GRM1: variants seen among roughly 807,000 people sequenced by gnomAD.
The protein encoded by GRM1 is glutamate metabotropic receptor 1, also known as metabotropic glutamate receptor 1.
In GRM1, 33 loss-of-function variants were observed where a neutral mutation model predicts 90.9. That is an observed-to-expected ratio of 0.36 (90% CI 0.28 to 0.49). GRM1 has a LOEUF of 0.49. Ranked by LOEUF, GRM1 falls within the 20% of genes least tolerant of loss-of-function variation. GRM1 has a pLI of 0.99. For synonymous variants in GRM1, 700 were observed against 613.2 expected (o/e 1.14, Z -2.09); for missense variants, 1,190 against 1,534.3 (o/e 0.78, Z 3.75).
chr6:146,402,181 A>G (rs975276928), intron 7 of GRM1, among the ~76,000 whole-genome samples: 6 of 152,186 alleles, frequency 3.9e-5, no homozygotes, highest in Non-Finnish European at 8.8e-5. Flanking sequence ...ATTTAATAAG[A>G]AATATATTTC....
intron 2 of GRM1, among the ~76,000 whole-genome samples, chr6:146,223,181 C>T (rs1423128599): frequency 2.0e-5 from 3 of 151,894 alleles, no homozygotes; most frequent in African/African-American, 7.3e-5. Flanking sequence ...AGATCACCGG[C>T]GCTATTCAGT....
At chr6:146,128,269 A>G (rs1221450797) in intron 1 of GRM1, among the ~76,000 whole-genome samples, 3 of 152,208 alleles carry the variant, frequency 2.0e-5, no homozygotes, top group African/African-American at 7.2e-5. Context: ...GGAAGGGGAT[A>G]TATCCCTGGG....
chr6:146,076,284 G>A (rs950385618), intron 1 of GRM1, among the ~76,000 whole-genome samples: 3 of 152,188 alleles, frequency 2.0e-5, no homozygotes, highest in African/African-American at 7.2e-5. Context: ...TTAATGCAAA[G>A]TGGAATAGGG....
chr6:146,068,414 CAAAT>C (rs1775920779), intron 1 of GRM1, among the ~76,000 whole-genome samples: 1 of 152,112 alleles, frequency 6.6e-6, no homozygotes, highest in Non-Finnish European at 1.5e-5. Context: ...CGCCCGGCCT[CAAAT>C]AATTTTTTAA....
At chr6:146,349,206 A>G (rs1398096919) in intron 3 of GRM1, among the ~76,000 whole-genome samples, 1 of 149,730 alleles carries the variant, frequency 6.7e-6, no homozygotes, top group Non-Finnish European at 1.5e-5. Flanking sequence ...AGCTGGGACT[A>G]CAGGCGCCTG....
At chr6:146,318,423 TTCCGAG>T (rs970227497) in intron 3 of GRM1, among the ~76,000 whole-genome samples, 29 of 152,218 alleles carry the variant, frequency 1.9e-4, no homozygotes, top group African/African-American at 6.8e-4. Context: ...TTTGGGTTGG[TTCCGAG>T]TCTTTGCTAT....
At chr6:146,198,507 G>A (rs1435684689) in intron 2 of GRM1, among the ~76,000 whole-genome samples, 2 of 152,182 alleles carry the variant, frequency 1.3e-5, no homozygotes, top group Non-Finnish European at 2.9e-5. Flanking sequence ...ATCTAATACA[G>A]TGGTGACTTC....
chr6:146,303,595 C>T (rs1473606363), intron 2 of GRM1, among the ~76,000 whole-genome samples: 2 of 152,136 alleles, frequency 1.3e-5, no homozygotes, highest in Non-Finnish European at 2.9e-5. Context: ...TGGTAAACCC[C>T]TCCCTTCCAG....
intron 3 of GRM1, among the ~76,000 whole-genome samples, chr6:146,346,848 A>T (rs1165627887): frequency 6.6e-6 from 1 of 152,226 alleles, no homozygotes; most frequent in African/African-American, 2.4e-5. Context: ...TAATTCTGTC[A>T]GGCAAAAATA....
chr6:146,257,786 A>T (rs946397126), intron 2 of GRM1, among the ~76,000 whole-genome samples: 12 of 151,906 alleles, frequency 7.9e-5, no homozygotes, highest in African/African-American at 2.9e-4. Context: ...GGATTGCAGG[A>T]TGCCTACCCA....
chr6:146,397,854 T>C (rs1398956884), intron 6 of GRM1, among the ~76,000 whole-genome samples: 3 of 152,210 alleles, frequency 2.0e-5, no homozygotes, highest in Non-Finnish European at 4.4e-5. Context: ...TGGTGGTTCC[T>C]TGTTGCCATG....
chr6:146,337,407 T>A (rs1784814263), intron 3 of GRM1, among the ~76,000 whole-genome samples: 1 of 152,256 alleles, frequency 6.6e-6, no homozygotes, highest in African/African-American at 2.4e-5. Context: ...TTTGGCCAAC[T>A]AATAATGAAA....
chr6:146,045,388 T>C (rs1791287897), intron 1 of GRM1, among the ~76,000 whole-genome samples: 1 of 152,012 alleles, frequency 6.6e-6, no homozygotes, highest in East Asian at 1.9e-4. Flanking sequence ...CCTGGTGGAA[T>C]ATAAACTGCT....
chr6:146,082,388 T>G (rs1776393428), intron 1 of GRM1, among the ~76,000 whole-genome samples: 1 of 152,192 alleles, frequency 6.6e-6, no homozygotes, highest in South Asian at 2.1e-4. Context: ...ACTCCTGACC[T>G]CAGTTGATCC....
rs186097996 is a variant in GRM1 at position 146,266,207 on chromosome 6, G to A, written c.951-38404G>A. 2.2e-4 allele frequency among the ~76,000 whole-genome samples: 33 copies of A among 152,090 alleles called. 1 individual carries two copies. The East Asian group carries it at 5.8e-3, about 27-fold the overall frequency. On this transcript the variant is annotated intron_variant, in intron 2 of 7. Coordinates refer to ENST00000282753, the MANE Select transcript of GRM1 (RefSeq NM_001278064.2). ...TGTCTTAAAAAAAAAATACATATTA[G>A]AGAGTTAACTTTTAAAACTACAATA... is the stretch of plus-strand genomic sequence containing the variant.
At chr6:146,139,427 A>G (rs1776750674) in intron 1 of GRM1, among the ~76,000 whole-genome samples, 1 of 152,140 alleles carries the variant, frequency 6.6e-6, no homozygotes, top group Non-Finnish European at 1.5e-5. Flanking sequence ...GTCTCTAGTT[A>G]TTATTGTACT....
chr6:146,242,764 A>G (rs550760430), intron 2 of GRM1, among the ~76,000 whole-genome samples: 2 of 152,192 alleles, frequency 1.3e-5, no homozygotes, highest in African/African-American at 4.8e-5. Context: ...GCTCTATCTG[A>G]AGGCCTAGAA....
chr6:146,047,381 A>G (rs186877319), intron 1 of GRM1, among the ~76,000 whole-genome samples: 702 of 152,086 alleles, frequency 4.6e-3, no homozygotes, highest in Non-Finnish European at 7.7e-3. Flanking sequence ...ATCATTAATC[A>G]TACAGTCCAT....
chr6:146,300,212 A>G (rs1471459648), intron 2 of GRM1, among the ~76,000 whole-genome samples: 6 of 152,214 alleles, frequency 3.9e-5, no homozygotes, highest in Non-Finnish European at 8.8e-5. Flanking sequence ...CTAGACTGTA[A>G]TTATTTTAAT....
Sources: gnomAD v4.1 joint callset for allele counts (sites outside exome capture counted in the v4.1 genomes callset) on GRCh38, gnomAD v4.1.1 for gene constraint, MANE v1.5 for transcripts, NCBI Gene and HGNC (gene_info 2026-07-23, HGNC 2026-07-21) for gene names.